PTPRN2: variants seen among roughly 807,000 people sequenced by gnomAD.
PTPRN2 encodes protein tyrosine phosphatase receptor type N2, also known as receptor-type tyrosine-protein phosphatase N2.
PTPRN2 carries 74 observed loss-of-function variants against 118.8 expected under a neutral mutation model. That is an observed-to-expected ratio of 0.62 (90% CI 0.52 to 0.76). The LOEUF is 0.76. Among genes scored for constraint, PTPRN2 ranks in the 30% least tolerant of loss-of-function variants. The probability of loss-of-function intolerance (pLI) is 0.00; values close to 1 mark genes in which losing one functional copy is unlikely to be tolerated. For synonymous variants in PTPRN2, 641 were observed against 608.0 expected, an observed-to-expected ratio of 1.05 and a Z score of -0.80; for missense variants, 1,481 against 1,394.4, an observed-to-expected ratio of 1.06 and a Z score of -0.99.
At chr7:157,702,447 C>A (rs2150867459) in intron 12 of PTPRN2, among the ~76,000 whole-genome samples, 1 of 152,324 alleles carries the variant, frequency 6.6e-6, no homozygotes, top group Middle Eastern at 3.4e-3. Context: ...GGTGTCTCCC[C>A]TCAGAGAAGT....
chr7:158,372,060 A>G (rs985996105), intron 2 of PTPRN2, among the ~76,000 whole-genome samples: 1 of 152,146 alleles, frequency 6.6e-6, no homozygotes, highest in Admixed American at 6.5e-5. Flanking sequence ...GCAGGGCCAC[A>G]CCTTCCGGGG....
At chr7:157,998,950 G>C (rs1306212233) in intron 11 of PTPRN2, among the ~76,000 whole-genome samples, 1 of 152,078 alleles carries the variant, frequency 6.6e-6, no homozygotes, top group Admixed American at 6.5e-5. Flanking sequence ...TTTGTGCGGG[G>C]TGCGAGGCAT....
intron 11 of PTPRN2, among the ~76,000 whole-genome samples, chr7:158,056,713 C>T (rs1388793936): frequency 6.6e-6 from 1 of 152,188 alleles, no homozygotes; most frequent in African/African-American, 2.4e-5. Context: ...TTTGCCAATG[C>T]TTTTGAGTGA....
intron 3 of PTPRN2, among the ~76,000 whole-genome samples, chr7:158,294,552 T>C (rs2151028591): frequency 6.6e-6 from 1 of 152,264 alleles, no homozygotes. Context: ...CCTCAGCTCC[T>C]CAACTGATAT....
chr7:157,912,862 G>A (rs1221802913), intron 11 of PTPRN2, among the ~76,000 whole-genome samples: 1 of 152,186 alleles, frequency 6.6e-6, no homozygotes, highest in Non-Finnish European at 1.5e-5. Context: ...TCCGTGCACA[G>A]ATCCATGTGA....
At chr7:157,998,837 A>C (rs1032800192) in intron 11 of PTPRN2, among the ~76,000 whole-genome samples, 27 of 150,398 alleles carry the variant, frequency 1.8e-4, no homozygotes, top group Non-Finnish European at 3.4e-4. Context: ...AAAAAAAAAA[A>C]CTCTACTTCA....
At chr7:158,048,314 T>C (rs1809031328) in intron 11 of PTPRN2, among the ~76,000 whole-genome samples, 1 of 152,160 alleles carries the variant, frequency 6.6e-6, no homozygotes, top group Non-Finnish European at 1.5e-5. Context: ...AAGTCCTACA[T>C]GCATCTATAA....
chr7:158,232,974 T>C (rs947688504), intron 3 of PTPRN2, among the ~76,000 whole-genome samples: 1 of 152,180 alleles, frequency 6.6e-6, no homozygotes, highest in Non-Finnish European at 1.5e-5. Context: ...AACACCATAA[T>C]GAATGGGGAA....
chr7:157,565,067 C>T (rs1639801), intron 21 of PTPRN2, among the ~76,000 whole-genome samples: 5 of 152,224 alleles, frequency 3.3e-5, no homozygotes, highest in African/African-American at 4.8e-5. Flanking sequence ...AGCGCAGACG[C>T]GGTATCACTC....
intron 2 of PTPRN2, among the ~76,000 whole-genome samples, chr7:158,448,259 A>G (rs1272426005): frequency 3.9e-5 from 6 of 152,266 alleles, no homozygotes; most frequent in Non-Finnish European, 8.8e-5. Context: ...TTGGAAGGAT[A>G]TAAATCAGAA....
At chr7:157,712,603 T>G (rs1798700529) in intron 12 of PTPRN2, among the ~76,000 whole-genome samples, 1 of 151,882 alleles carries the variant, frequency 6.6e-6, no homozygotes, top group Admixed American at 6.6e-5. Context: ...ATGTAAAAAT[T>G]AGCCAGGCGT....
intron 3 of PTPRN2, among the ~76,000 whole-genome samples, chr7:158,259,783 C>T (rs1392269385): frequency 6.9e-6 from 1 of 145,176 alleles, no homozygotes; most frequent in African/African-American, 2.5e-5. Context: ...GTCCATGTGT[C>T]TCTGGTATAC....
intron 3 of PTPRN2, among the ~76,000 whole-genome samples, chr7:158,289,137 A>T (rs1799946423): frequency 1.3e-5 from 2 of 152,154 alleles, no homozygotes; most frequent in South Asian, 4.1e-4. Flanking sequence ...TGATTATAAT[A>T]TATCTCAGTA....
chr7:157,888,057 T>TGG (rs11402285), intron 12 of PTPRN2, among the ~76,000 whole-genome samples: 2 of 150,460 alleles, frequency 1.3e-5, no homozygotes, highest in Admixed American at 6.6e-5. Flanking sequence ...CACGCTGTCT[T>TGG]GGGGGGTGTG....
intron 3 of PTPRN2, among the ~76,000 whole-genome samples, chr7:158,268,320 C>CCCAGA (rs1472276755): frequency 6.6e-6 from 1 of 150,804 alleles, no homozygotes; most frequent in African/African-American, 2.4e-5. Context: ...AATATCCCAG[C>CCCAGA]CGCACGCACA....
intron 12 of PTPRN2, among the ~76,000 whole-genome samples, chr7:157,743,953 A>G (rs1313938606): frequency 6.6e-6 from 1 of 152,114 alleles, no homozygotes; most frequent in African/African-American, 2.4e-5. Flanking sequence ...TGCACGTTGC[A>G]TGTGTCGTGG....
chr7:157,925,784 G>A (rs918662800), intron 11 of PTPRN2, among the ~76,000 whole-genome samples: 3 of 144,730 alleles, frequency 2.1e-5, no homozygotes, highest in Admixed American at 6.7e-5. Context: ...ACAGAGAAAC[G>A]ACGCTGAATC....
intron 12 of PTPRN2, among the ~76,000 whole-genome samples, chr7:157,843,177 G>T (rs1808559570): frequency 6.6e-6 from 1 of 152,220 alleles, no homozygotes; most frequent in Non-Finnish European, 1.5e-5. Context: ...GCCTTCAAAT[G>T]TGTGAGAACC....
At chr7:158,564,862 G>A (rs1046408395) in intron 1 of PTPRN2, among the ~76,000 whole-genome samples, 3 of 152,350 alleles carry the variant, frequency 2.0e-5, no homozygotes, top group Middle Eastern at 3.4e-3. Flanking sequence ...GGTCACAGAC[G>A]CCCTGCTGGG....
Sources: allele counts gnomAD v4.1 joint callset (sites outside exome capture counted in the v4.1 genomes callset), GRCh38; gene constraint gnomAD v4.1.1; transcripts MANE v1.5; gene names NCBI Gene and HGNC (gene_info 2026-07-23, HGNC 2026-07-21).